The following HIP1 variants were observed in gnomAD, a reference collection of about 807,000 sequenced individuals.
The protein encoded by HIP1 is huntingtin-interacting protein 1.
Under a neutral mutation model 147.6 loss-of-function variants are expected in HIP1, and 65 were observed. The observed-to-expected ratio is 0.44, with a 90% CI of 0.36 to 0.54. The LOEUF is 0.54. Ranked by LOEUF, HIP1 falls within the 20% of genes least tolerant of loss-of-function variation. The probability of loss-of-function intolerance (pLI) is 0.00; values close to 1 mark genes in which losing one functional copy is unlikely to be tolerated. For synonymous variants in HIP1, 479 were observed against 504.0 expected (o/e 0.95, Z 0.67); for missense variants, 1,061 against 1,299.6 (o/e 0.82, Z 2.82).
Position 75,537,450 on chromosome 7 carries a change from TG to T in HIP1, c.*721del, listed in dbSNP as rs1327548796. ...GCACCATCGCTGGAGCTACCACAGTTGGGGGGCCCTGGAGACTCAGCCCCAG... is the reference window on the plus strand; with the variant it reads ...GCACCATCGCTGGAGCTACCACAGTTGGGGGCCCTGGAGACTCAGCCCCAG... On this transcript the variant is annotated 3_prime_UTR_variant, in exon 31 of 31. Coordinates refer to ENST00000336926, the MANE Select transcript of HIP1 (RefSeq NM_005338.7). 3.5e-5 allele frequency: 8 copies of T among 230,260 alleles called. No individual in the cohort carries two copies. The highest frequency in any genetic ancestry group is 1.1e-4 in the African/African-American group (5 of 44,432). The allele number at this position is 230,260 out of a possible 1,614,324, so 14.3% of individuals were successfully genotyped here. A position where few individuals can be genotyped will look rare whatever the true frequency, so the allele number is the denominator to read the frequency against.
intron 1 of HIP1, among the ~76,000 whole-genome samples, chr7:75,674,401 G>A (rs953205760): frequency 6.6e-6 from 1 of 152,112 alleles, no homozygotes; most frequent in African/African-American, 2.4e-5. Context: ...CATTTTTGAA[G>A]GATAGTTTTA....
chr7:75,614,673 G>A (rs1179605), intron 1 of HIP1, among the ~76,000 whole-genome samples: 31,516 of 152,064 alleles, frequency 0.21, 5,471 homozygotes, highest in African/African-American at 0.48. Context: ...GAATGTGCCA[G>A]ATGTTGCTTA....
intron 1 of HIP1, among the ~76,000 whole-genome samples, chr7:75,656,964 C>T (rs540830158): frequency 6.6e-6 from 1 of 152,302 alleles, no homozygotes; most frequent in Non-Finnish European, 1.5e-5. Flanking sequence ...GAGCCACGTT[C>T]AAGGACATTC....
intron 1 of HIP1, among the ~76,000 whole-genome samples, chr7:75,702,963 G>C (rs1159804820): frequency 2.0e-5 from 3 of 152,170 alleles, no homozygotes; most frequent in African/African-American, 7.2e-5. Context: ...CAACACTGGT[G>C]ATCAGATTTC....
chr7:75,650,783 A>C (rs1798949676), intron 1 of HIP1, among the ~76,000 whole-genome samples: 3 of 152,154 alleles, frequency 2.0e-5, no homozygotes, highest in Admixed American at 2.0e-4. Flanking sequence ...GGCTGAGGGC[A>C]GGAAGTACCA....
In HIP1 at chr7:75,553,554, T is replaced by G. The variant is rs1584787260; in HGVS notation, c.2194A>C (p.Thr732Pro). Residue 732 changes from threonine (T) to proline (P), a missense_variant, in exon 22 of 31, where the codon ACC becomes CCC. Physicochemically the swap from Thr to Pro is conservative, Grantham distance 38. Around this residue, in one of 3 missense-constraint regions of HIP1, gnomAD observed 810 missense variants for 946.8 expected, o/e 0.86. Coordinates refer to ENST00000336926, the MANE Select transcript of HIP1 (RefSeq NM_005338.7). ...TCCAGGGAGGCCAGGTAGGCGAGGG[T>G]TTCCCTGCCATACTGCTTACAGGCC... Reference protein sequence around the residue: ...TEACKQYGRETLAYLASLEEE... With the variant: ...TEACKQYGREPLAYLASLEEE... The G allele has an allele frequency of 6.2e-7, 1 of 1,614,028 alleles. No individual in the cohort carries two copies. Among genetic ancestry groups the G allele is most frequent in the Non-Finnish European group, 8.5e-7 (1 of 1,179,986 alleles).
At chr7:75,656,351 G>A (rs1439512860) in intron 1 of HIP1, among the ~76,000 whole-genome samples, 4 of 150,984 alleles carry the variant, frequency 2.6e-5, no homozygotes, top group Non-Finnish European at 5.9e-5. Context: ...GTACCAAACA[G>A]TGAGAAGAAG....
chr7:75,684,962 G>T (rs1554517435), intron 1 of HIP1, among the ~76,000 whole-genome samples: 1 of 152,028 alleles, frequency 6.6e-6, no homozygotes, highest in African/African-American at 2.4e-5. Context: ...GTGGTGGTGG[G>T]TACCTGTAGT....
At chr7:75,678,492 C>T (rs1438949496) in intron 1 of HIP1, among the ~76,000 whole-genome samples, 11 of 151,924 alleles carry the variant, frequency 7.2e-5, no homozygotes, top group African/African-American at 1.7e-4. Context: ...TACAGGCGCC[C>T]GCCACCACAC....
chr7:75,635,451 G>A (rs782087069), intron 1 of HIP1, among the ~76,000 whole-genome samples: 10 of 151,882 alleles, frequency 6.6e-5, no homozygotes, highest in Non-Finnish European at 1.3e-4. Context: ...GGTGGCGGGC[G>A]CCTGTAATCC....
chr7:75,616,553 G>A (rs945247614), intron 1 of HIP1, among the ~76,000 whole-genome samples: 8 of 150,836 alleles, frequency 5.3e-5, no homozygotes, highest in African/African-American at 1.5e-4. Context: ...AATTACCGGC[G>A]CTAGCCACCA....
intron 2 of HIP1, 90 bp from the exon 3 acceptor site, chr7:75,592,604 C>T: frequency 2.2e-6 from 3 of 1,349,078 alleles, no homozygotes; most frequent in Non-Finnish European, 3.0e-6. Context: ...GGGACTGAGC[C>T]TGCACCCAGC....
intron 1 of HIP1, among the ~76,000 whole-genome samples, chr7:75,642,450 A>G (rs1563264972): frequency 6.6e-6 from 1 of 152,156 alleles, no homozygotes; most frequent in Non-Finnish European, 1.5e-5. Flanking sequence ...CAGGAGAATC[A>G]CTTGAACACG....
chr7:75,562,977 G>C lies in HIP1; in HGVS notation c.978C>G (p.Val326=). Residue 326 remains valine, a synonymous_variant, in exon 11 of 31, where the codon GTC becomes GTG. Coordinates refer to ENST00000336926, the MANE Select transcript of HIP1 (RefSeq NM_005338.7). ...AEASSPDSEP[V]LEKDDLMDMD... is the part of the protein sequence containing the mutation. ...TGTCCATGAGGTCATCCTTCTCTAG[G>C]ACTGGCTCGCTGTCGGGGGATGAGG... 6.2e-7 allele frequency: 1 copy of C among 1,614,196 alleles called. No homozygotes were observed. The highest frequency in any genetic ancestry group is 8.5e-7 in the Non-Finnish European group (1 of 1,180,046).
intron 19 of HIP1, among the ~76,000 whole-genome samples, 156 bp from the exon 20 acceptor site, chr7:75,554,682 T>G (rs1794923512): frequency 6.6e-6 from 1 of 152,146 alleles, no homozygotes; most frequent in South Asian, 2.1e-4. Context: ...AGACCATAGT[T>G]TTTTCCTTAG....
chr7:75,594,220 C>A (rs1380597325), intron 2 of HIP1, among the ~76,000 whole-genome samples: 2 of 151,940 alleles, frequency 1.3e-5, no homozygotes, highest in African/African-American at 2.4e-5. Flanking sequence ...GCAGAGATTG[C>A]AGTGAGCCGA....
At chr7:75,549,457 G>A (rs1168756323) in intron 22 of HIP1, among the ~76,000 whole-genome samples, 12 of 145,878 alleles carry the variant, frequency 8.2e-5, no homozygotes, top group African/African-American at 2.5e-4. Flanking sequence ...TGCAGCCTCC[G>A]CCTCCCGGGC....
chr7:75,671,880 A>G (rs1340181626), intron 1 of HIP1, among the ~76,000 whole-genome samples: 1 of 152,090 alleles, frequency 6.6e-6, no homozygotes, highest in Non-Finnish European at 1.5e-5. Flanking sequence ...GATTACAGCT[A>G]CGCGTCACCA....
At chr7:75,552,518 T>TA (rs11401621) in intron 22 of HIP1, among the ~76,000 whole-genome samples, 60,006 of 150,428 alleles carry the variant, frequency 0.4, 15,132 homozygotes, top group African/African-American at 0.72. Flanking sequence ...CCTGTCTAAT[T>TA]AAAAAAAAAA....
Sources: allele counts gnomAD v4.1 joint callset (sites outside exome capture counted in the v4.1 genomes callset), GRCh38; gene constraint gnomAD v4.1.1; regional missense constraint gnomAD v4.1.1; transcripts MANE v1.5; gene names NCBI Gene and HGNC (gene_info 2026-07-23, HGNC 2026-07-21).